KIAA1549: variants seen among roughly 807,000 people sequenced by gnomAD.
The protein encoded by KIAA1549 is KIAA1549.
In KIAA1549, 70 loss-of-function variants were observed where a neutral mutation model predicts 156.4. The ratio of observed to expected loss-of-function variants is 0.45; its 90% CI spans 0.37 to 0.55. KIAA1549 has a LOEUF of 0.55. Among genes scored for constraint, KIAA1549 ranks in the 20% least tolerant of loss-of-function variants. The pLI, the probability that KIAA1549 is intolerant of heterozygous loss-of-function variation, is 0.00. For missense variants in KIAA1549, 2,428 were observed against 2,540.9 expected (o/e 0.96, Z 0.96); for synonymous variants, 1,103 against 1,066.4 (o/e 1.03, Z -0.67).
At chr7:138,845,898 C>T (rs4728451) in intron 17 of KIAA1549, among the ~76,000 whole-genome samples, 89,666 of 151,960 alleles carry the variant, frequency 0.59, 28,260 homozygotes, top group East Asian at 0.86. Flanking sequence ...GCCAAACACC[C>T]GAGTCTGAAT....
At chr7:138,902,498 C>G (rs1327558204) in intron 8 of KIAA1549, among the ~76,000 whole-genome samples, 3 of 152,172 alleles carry the variant, frequency 2.0e-5, no homozygotes, top group Non-Finnish European at 4.4e-5. Flanking sequence ...AAAAAATCCA[C>G]ATAATTCATA....
chr7:138,892,405 C>T (rs1236468777), intron 10 of KIAA1549, among the ~76,000 whole-genome samples: 2 of 152,238 alleles, frequency 1.3e-5, no homozygotes, highest in Admixed American at 6.5e-5. Flanking sequence ...GGTTAACTCC[C>T]TCTGTAACAA....
chr7:138,899,183 G>A, intron 8 of KIAA1549, 51 bp from the exon 9 acceptor site: 1 of 1,540,030 alleles, frequency 6.5e-7, no homozygotes, highest in Non-Finnish European at 9.0e-7. Context: ...GTTTCTAGAT[G>A]CCCTCTCTCA....
chr7:138,962,446 TG>T (rs1350052209), intron 1 of KIAA1549, among the ~76,000 whole-genome samples: 1 of 152,216 alleles, frequency 6.6e-6, no homozygotes, highest in Non-Finnish European at 1.5e-5. Flanking sequence ...TGATTTTCTC[TG>T]ACCAGCAGAA....
intron 1 of KIAA1549, among the ~76,000 whole-genome samples, chr7:138,931,408 G>C (rs1812865688): frequency 6.6e-6 from 1 of 152,172 alleles, no homozygotes; most frequent in Admixed American, 6.5e-5. Flanking sequence ...AACTTCTCCA[G>C]TTCATGACTT....
At position 138,981,107 on chromosome 7, in the gene KIAA1549, C is replaced by T. The variant is rs1814533414; in HGVS notation, c.163G>A (p.Ala55Thr). Residue 55 changes from alanine (A) to threonine (T), a missense_variant, in exon 1 of 20, where the codon GCC becomes ACC. Physicochemically the swap from Ala to Thr is moderately conservative, Grantham distance 58. Around this residue, in one of 5 missense-constraint regions of KIAA1549, gnomAD observed 893 missense variants for 847.9 expected, o/e 1.05. Coordinates refer to ENST00000422774, the MANE Select transcript of KIAA1549 (RefSeq NM_001164665.2). The surrounding 1 kb of genome is among the most constrained non-coding windows in gnomAD (Gnocchi z 4.5). ...CCTGGGGCGCACGAGGCCGGCCGGG[C>T]CAGCAGCAGCAGCCAGAGGCCAGGA... is the stretch of plus-strand genomic sequence containing the variant. ...LLPGLWLLLLARPASCAPDEL... is the reference protein window; with the variant it reads ...LLPGLWLLLLTRPASCAPDEL... 3.3e-6 allele frequency: 4 copies of T among 1,223,920 alleles called. No homozygotes were observed. Among genetic ancestry groups the T allele is most frequent in the Non-Finnish European group, 4.1e-6 (4 of 982,716 alleles). 75.8% of individuals were successfully genotyped at this position (1,223,920 alleles called of 1,614,324 possible).
intron 1 of KIAA1549, among the ~76,000 whole-genome samples, chr7:138,935,385 A>T (rs895210796): frequency 6.6e-6 from 1 of 152,216 alleles, no homozygotes; most frequent in African/African-American, 2.4e-5. Flanking sequence ...TTCCTAAATA[A>T]AATGCAATCC....
rs184806570 is a variant in KIAA1549, at chr7:138,979,503, C to G, written c.187+1580G>C. On this transcript the variant is annotated intron_variant, in intron 1 of 19. Transcript: ENST00000422774. Reference sequence around the variant, plus strand: ...GGGGATAACTATGCCTAACTCACAACGTGATTGGATCGTGTATATAAAATT... The same window carrying G: ...GGGGATAACTATGCCTAACTCACAAGGTGATTGGATCGTGTATATAAAATT... Among the ~76,000 whole-genome samples the G allele has an allele frequency of 1.7e-3, 253 of 152,292 alleles. 2 individuals carry two copies. The highest frequency in any genetic ancestry group is 5.8e-3 in the African/African-American group (243 of 41,566).
In KIAA1549 at chr7:138,833,427, G is replaced by A. The variant is rs1435406656; in HGVS notation, c.*4479C>T. ...AAGAAGGAACGCTGAACCTGTCCAC[G>A]GGAAACGGGAGACTCCTATAGCACA... On this transcript the variant is annotated 3_prime_UTR_variant, in exon 20 of 20. Coordinates refer to ENST00000422774, the MANE Select transcript of KIAA1549 (RefSeq NM_001164665.2). The A allele has an allele frequency of 4.3e-6, 1 of 232,418 alleles. No homozygotes were observed. Among genetic ancestry groups the A allele is most frequent in the Non-Finnish European group, 8.5e-6 (1 of 117,624 alleles). 14.4% of individuals were successfully genotyped at this position (232,418 alleles called of 1,614,324 possible). A position where few individuals can be genotyped will look rare whatever the true frequency, so the allele number is the denominator to read the frequency against.
At chr7:138,903,116 T>C (rs900894475) in intron 8 of KIAA1549, among the ~76,000 whole-genome samples, 1 of 152,122 alleles carries the variant, frequency 6.6e-6, no homozygotes, top group African/African-American at 2.4e-5. Flanking sequence ...GATGACTCCA[T>C]AATACCATGG....
At chr7:138,939,667 C>T (rs1261058933) in intron 1 of KIAA1549, among the ~76,000 whole-genome samples, 6 of 152,212 alleles carry the variant, frequency 3.9e-5, no homozygotes, top group Admixed American at 2.6e-4. Context: ...CAGGAAGCGC[C>T]TGGTTTCTGG....
intron 1 of KIAA1549, among the ~76,000 whole-genome samples, chr7:138,946,995 T>C (rs1187647309): frequency 1.3e-5 from 2 of 152,146 alleles, no homozygotes; most frequent in Non-Finnish European, 2.9e-5. Flanking sequence ...CAGCCCCCAC[T>C]GCCAACGGGT....
chr7:138,886,745 T>C (rs964674259), intron 10 of KIAA1549, among the ~76,000 whole-genome samples: 1 of 152,318 alleles, frequency 6.6e-6, no homozygotes, highest in African/African-American at 2.4e-5. Context: ...AGAGCTCCTG[T>C]TACAGGAGTA....
At position 138,916,710 on chromosome 7, in the gene KIAA1549, T is replaced by G. The variant is rs771488998; in HGVS notation, c.2878+38A>C. 13 of 1,607,354 alleles carry G rather than the reference T, an allele frequency of 8.1e-6. No homozygotes were observed. The South Asian group carries it at 1.5e-4, about 18-fold the overall frequency. On this transcript the variant is annotated intron_variant, in intron 2 of 19. Coordinates refer to ENST00000422774, the MANE Select transcript of KIAA1549 (RefSeq NM_001164665.2). ...CTGCACACAAGCTCCTTAGAAAGATTGCCCACCCCAGAGAGGCGGCAGGAA... is the reference window on the plus strand; with the variant it reads ...CTGCACACAAGCTCCTTAGAAAGATGGCCCACCCCAGAGAGGCGGCAGGAA...
intron 1 of KIAA1549, among the ~76,000 whole-genome samples, chr7:138,938,908 C>T (rs1400696076): frequency 6.6e-6 from 1 of 152,102 alleles, no homozygotes; most frequent in Admixed American, 6.6e-5. Flanking sequence ...ATTAGCCAGG[C>T]GTGGTGGCAC....
In KIAA1549 at chr7:138,879,850, G is replaced by A. The variant is rs117439520; in HGVS notation, c.4230-197C>T. ...TCACCTCCTGAAGACAGATTAACACGGCTTACTAAATGGCTCAGCAGGCTG... is the reference window on the plus strand; with the variant it reads ...TCACCTCCTGAAGACAGATTAACACAGCTTACTAAATGGCTCAGCAGGCTG... On this transcript the variant is annotated intron_variant, in intron 11 of 19. Transcript: ENST00000422774. 2.4e-3 allele frequency among the ~76,000 whole-genome samples: 366 copies of A among 152,230 alleles called. 2 individuals carry two copies. Among genetic ancestry groups the A allele is most frequent in the Non-Finnish European group, 3.8e-3 (256 of 68,014 alleles).
In KIAA1549 at chr7:138,918,582, C is replaced by A. The variant is rs757468687; in HGVS notation, c.1044G>T (p.Ser348=). 20 of 1,613,988 alleles carry A rather than the reference C, an allele frequency of 1.2e-5. No individual in the cohort carries two copies. The highest frequency in any genetic ancestry group is 2.2e-5 in the East Asian group (1 of 44,884). The change falls in exon 2 of 20, where the codon TCG becomes TCT. Residue 348 remains serine, a synonymous_variant. Transcript: ENST00000422774. This position sits in a 1 kb window ranked among gnomAD's most constrained non-coding sequence, Gnocchi z 4.2. The part of the protein sequence containing the change: ...SPRTYPTVTA[S]HAALAFSRTH... ...TCCTGCTGAATGCAAGGGCTGCGTG[C>A]GATGCAGTCACAGTGGGGTATGTTC...
At chr7:138,893,798 C>T (rs951861213) in intron 10 of KIAA1549, among the ~76,000 whole-genome samples, 1 of 152,192 alleles carries the variant, frequency 6.6e-6, no homozygotes, top group Non-Finnish European at 1.5e-5. Context: ...CGGCCTGGTG[C>T]GGTGGCTCAT....
intron 1 of KIAA1549, among the ~76,000 whole-genome samples, chr7:138,934,499 G>A (rs1455144409): frequency 6.6e-6 from 1 of 151,770 alleles, no homozygotes; most frequent in Non-Finnish European, 1.5e-5. Context: ...CGGAGAATTC[G>A]TGATGTTTGA....
Sources: gnomAD v4.1 joint callset for allele counts (sites outside exome capture counted in the v4.1 genomes callset) on GRCh38, gnomAD v4.1.1 for gene constraint, gnomAD v4.1.1 regional missense constraint, Gnocchi (gnomAD v3.1) non-coding constraint, MANE v1.5 for transcripts, NCBI Gene and HGNC (gene_info 2026-07-23, HGNC 2026-07-21) for gene names.